MARCHF11: variants seen among roughly 807,000 people sequenced by gnomAD.
The protein encoded by MARCHF11 is E3 ubiquitin-protein ligase MARCHF11.
Under a neutral mutation model 37.3 loss-of-function variants are expected in MARCHF11, and 29 were observed. The observed-to-expected ratio is 0.78, with a 90% CI of 0.58 to 1.06. The LOEUF is 1.06. Ranked by LOEUF, MARCHF11 falls within the 50% of genes least tolerant of loss-of-function variation. MARCHF11 has a pLI of 0.00. For synonymous variants in MARCHF11, 233 were observed against 228.0 expected, an observed-to-expected ratio of 1.02 and a Z score of -0.20; for missense variants, 482 against 533.4, an observed-to-expected ratio of 0.90 and a Z score of 0.95.
At chr5:16,080,251 A>G (rs1193849218) in intron 3 of MARCHF11, among the ~76,000 whole-genome samples, 1 of 152,066 alleles carries the variant, frequency 6.6e-6, no homozygotes, top group Non-Finnish European at 1.5e-5. Context: ...CTAACCCTTG[A>G]CAGAACATCT....
At chr5:16,169,253 T>G (rs1190571640) in intron 2 of MARCHF11, among the ~76,000 whole-genome samples, 1 of 151,972 alleles carries the variant, frequency 6.6e-6, no homozygotes, top group Admixed American at 6.6e-5. Flanking sequence ...GCTGGATACT[T>G]ATGGGCGACA....
Position 16,123,699 on chromosome 5 carries a change from G to A in MARCHF11, c.694-32618C>T, listed in dbSNP as rs112279566. ...GACAAGCTATAAGGCCAGAAGCCAC[G>A]TATTCATATACTGCCTCATAGATAC... On this transcript the variant is annotated intron_variant, in intron 2 of 3. Transcript: ENST00000332432. Among the ~76,000 whole-genome samples the A allele has an allele frequency of 3.0e-3, 456 of 152,062 alleles. 6 individuals carry two copies. The highest frequency in any genetic ancestry group is 9.9e-3 in the African/African-American group (412 of 41,450).
chr5:16,092,939 G>A (rs1010240678), intron 2 of MARCHF11, among the ~76,000 whole-genome samples: 11 of 152,162 alleles, frequency 7.2e-5, no homozygotes, highest in African/African-American at 1.9e-4. Flanking sequence ...CAGATATGAA[G>A]TGTCAGTATC....
At chr5:16,081,322 ATTCACTGTCACAAC>A (rs1438145032) in intron 3 of MARCHF11, among the ~76,000 whole-genome samples, 1 of 152,210 alleles carries the variant, frequency 6.6e-6, no homozygotes, top group Non-Finnish European at 1.5e-5. Flanking sequence ...CTAACCTTTC[ATTCACTGTCACAAC>A]TTCTCATCAA....
At chr5:16,077,128 T>C (rs1352506679) in intron 3 of MARCHF11, among the ~76,000 whole-genome samples, 2 of 152,178 alleles carry the variant, frequency 1.3e-5, no homozygotes, top group Non-Finnish European at 2.9e-5. Flanking sequence ...AAAAAGCCTA[T>C]CAGTGTCTAT....
At chr5:16,092,283 CATG>C (rs1317282165) in intron 2 of MARCHF11, among the ~76,000 whole-genome samples, 1 of 152,120 alleles carries the variant, frequency 6.6e-6, no homozygotes, top group African/African-American at 2.4e-5. Flanking sequence ...CTTGCATATT[CATG>C]ATACTATTAA....
chr5:16,135,246 G>T (rs1408302569), intron 2 of MARCHF11, among the ~76,000 whole-genome samples: 1 of 152,146 alleles, frequency 6.6e-6, no homozygotes, highest in East Asian at 1.9e-4. Flanking sequence ...AGGGGCCCCT[G>T]CTGGGTCATT....
At chr5:16,110,501 A>C (rs1737118496) in intron 2 of MARCHF11, among the ~76,000 whole-genome samples, 1 of 152,164 alleles carries the variant, frequency 6.6e-6, no homozygotes, top group African/African-American at 2.4e-5. Flanking sequence ...ATATAACACA[A>C]CAAAAACATA....
At chr5:16,133,124 A>G (rs539591253) in intron 2 of MARCHF11, among the ~76,000 whole-genome samples, 2 of 152,106 alleles carry the variant, frequency 1.3e-5, no homozygotes, top group Admixed American at 1.3e-4. Context: ...AGTGGCCCCA[A>G]TTATTCACTC....
Position 16,179,321 on chromosome 5 carries a change from C to A in MARCHF11, c.255G>T (p.Pro85=). The A allele has an allele frequency of 1.6e-6, 2 of 1,236,768 alleles. No homozygotes were observed. Among genetic ancestry groups the A allele is most frequent in the South Asian group, 2.8e-5 (1 of 35,614 alleles). The allele number at this position is 1,236,768 out of a possible 1,614,324, so 76.6% of individuals were successfully genotyped here. A position where few individuals can be genotyped will look rare whatever the true frequency, so the allele number is the denominator to read the frequency against. The part of the protein sequence containing the change: ...RCRGADELPP[P]PLPLQPAGQE... ...GGCCGGCGGGCTGCAGGGGCAGGGGCGGAGGCGGCAGCTCGTCCGCTCCCC... is the reference window on the plus strand; with the variant it reads ...GGCCGGCGGGCTGCAGGGGCAGGGGAGGAGGCGGCAGCTCGTCCGCTCCCC... Residue 85 remains proline, a synonymous_variant, in exon 1 of 4, where the codon CCG becomes CCT. Transcript: ENST00000332432.
chr5:16,169,529 T>C (rs970493980), intron 2 of MARCHF11, among the ~76,000 whole-genome samples: 25 of 152,128 alleles, frequency 1.6e-4, no homozygotes, highest in Non-Finnish European at 2.6e-4. Flanking sequence ...AAGAAATGTG[T>C]CCTCAATAAG....
intron 2 of MARCHF11, among the ~76,000 whole-genome samples, chr5:16,123,194 G>A (rs993097049): frequency 2.6e-5 from 4 of 152,094 alleles, no homozygotes; most frequent in African/African-American, 7.2e-5. Context: ...CCTAAGCCCC[G>A]GTACTTTACA....
intron 2 of MARCHF11, among the ~76,000 whole-genome samples, chr5:16,139,730 C>T (rs149619922): frequency 7.9e-5 from 12 of 152,050 alleles, no homozygotes; most frequent in South Asian, 2.1e-4. Flanking sequence ...AAAATCTATC[C>T]GAACTACAAA....
chr5:16,112,136 T>C (rs946987052), intron 2 of MARCHF11, among the ~76,000 whole-genome samples: 1 of 152,160 alleles, frequency 6.6e-6, no homozygotes, highest in Non-Finnish European at 1.5e-5. Context: ...ATGTGGGGTG[T>C]GAGCCCCCAC....
intron 2 of MARCHF11, among the ~76,000 whole-genome samples, chr5:16,153,657 C>G (rs1346380807): frequency 4.6e-5 from 7 of 151,980 alleles, no homozygotes; most frequent in Admixed American, 4.6e-4. Flanking sequence ...GAATTGGTTA[C>G]AGCAGAGAAT....
At chr5:16,109,707 G>T (rs894889054) in intron 2 of MARCHF11, among the ~76,000 whole-genome samples, 1 of 152,214 alleles carries the variant, frequency 6.6e-6, no homozygotes, top group Non-Finnish European at 1.5e-5. Flanking sequence ...AGAAGCTGAG[G>T]TGACAACCTG....
chr5:16,079,264 C>T (rs1357831513), intron 3 of MARCHF11, among the ~76,000 whole-genome samples: 2 of 152,182 alleles, frequency 1.3e-5, no homozygotes, highest in Admixed American at 6.5e-5. Flanking sequence ...ACCTCCAATG[C>T]CTCCCACTCA....
chr5:16,109,002 T>C (rs1031394274), intron 2 of MARCHF11, among the ~76,000 whole-genome samples: 2 of 152,004 alleles, frequency 1.3e-5, no homozygotes, highest in Non-Finnish European at 2.9e-5. Context: ...ACCTTGGAAA[T>C]TCACTTGACT....
intron 3 of MARCHF11, among the ~76,000 whole-genome samples, chr5:16,084,990 G>A (rs1055495486): frequency 8.4e-5 from 10 of 119,034 alleles, no homozygotes; most frequent in Non-Finnish European, 1.5e-4. Context: ...AGGGATCAGA[G>A]TGAGTGTGTG....
Sources: gnomAD v4.1 joint callset for allele counts (sites outside exome capture counted in the v4.1 genomes callset) on GRCh38, gnomAD v4.1.1 for gene constraint, MANE v1.5 for transcripts, NCBI Gene and HGNC (gene_info 2026-07-23, HGNC 2026-07-21) for gene names.